Variants in RERE observed in about 807,000 individuals in gnomAD.
The protein encoded by RERE is arginine-glutamic acid dipeptide repeats.
A neutral mutation model predicts 146.1 loss-of-function variants in RERE; 40 were observed. The ratio of observed to expected loss-of-function variants is 0.27; its 90% CI spans 0.21 to 0.36. The LOEUF (loss-of-function observed/expected upper bound fraction) is 0.36. RERE is among the 10% of genes least tolerant of loss of function. The probability of loss-of-function intolerance (pLI) is 1.00; values close to 1 mark genes in which losing one functional copy is unlikely to be tolerated. For synonymous variants in RERE, 1,003 were observed against 866.0 expected (o/e 1.16, Z -2.78); for missense variants, 1,933 against 2,138.7 (o/e 0.90, Z 1.90).
chr1:8,537,191 G>A (rs1299666421), intron 7 of RERE, among the ~76,000 whole-genome samples: 1 of 152,136 alleles, frequency 6.6e-6, no homozygotes, highest in Non-Finnish European at 1.5e-5. Flanking sequence ...GCAATAGAGT[G>A]TGACCCTGTC....
intron 12 of RERE, among the ~76,000 whole-genome samples, chr1:8,373,128 C>G (rs1199314864): frequency 1.3e-5 from 2 of 152,222 alleles, no homozygotes; most frequent in Non-Finnish European, 2.9e-5. Flanking sequence ...TTGTACGCAC[C>G]TGACCCCATC....
At chr1:8,767,418 T>C (rs1404020843) in intron 1 of RERE, among the ~76,000 whole-genome samples, 2 of 152,020 alleles carry the variant, frequency 1.3e-5, no homozygotes, top group African/African-American at 4.8e-5. Flanking sequence ...CTGGGCAACA[T>C]GGTGAAATCT....
chr1:8,406,287 G>A (rs1378061425), intron 12 of RERE, among the ~76,000 whole-genome samples: 3 of 151,992 alleles, frequency 2.0e-5, no homozygotes, highest in South Asian at 4.1e-4. Flanking sequence ...TGCCCAGACT[G>A]GTCTCGAACT....
rs984380304 is a variant in RERE at position 8,356,547 on chromosome 1, GGGT to G, written c.4340-304_4340-302del. On this transcript the variant is annotated intron_variant, in intron 20 of 22. Coordinates refer to ENST00000400908, the MANE Select transcript of RERE (RefSeq NM_001042681.2). The surrounding 1 kb of genome is among the most constrained non-coding windows in gnomAD (Gnocchi z 5.2). ...TTTTGTCGAGGACCCGGGATCAGCA[GGGT>G]CCCTCTCGCCGGCCACCTGGGCCTG... 1.4e-4 allele frequency among the ~76,000 whole-genome samples: 22 copies of G among 152,212 alleles called. No homozygotes were observed. Among genetic ancestry groups the G allele is most frequent in the African/African-American group, 5.1e-4 (21 of 41,450 alleles).
chr1:8,798,976 G>C (rs1184891494), intron 1 of RERE, among the ~76,000 whole-genome samples: 1 of 145,500 alleles, frequency 6.9e-6, no homozygotes, highest in South Asian at 2.2e-4. Flanking sequence ...ACAGGCGTGA[G>C]CCACTGTGCC....
chr1:8,359,890 C>T lies in RERE; in HGVS notation c.3492G>A (p.Glu1164=), dbSNP rs1641486771. ...CGCGCTTGGCCTTCTCAATGGCCTC[C>T]TCCCTCTTCTTGGCCAGCTTGGACC... The part of the protein sequence containing the change: ...LAGSKLAKKR[E]EAIEKAKREA... Residue 1164 remains glutamate (E), a synonymous_variant, in exon 19 of 23, where the codon GAG becomes GAA. Transcript: ENST00000400908. 4 of 1,613,152 alleles carry T rather than the reference C, an allele frequency of 2.5e-6. No homozygotes were observed. In the South Asian group the frequency reaches 4.4e-5, roughly 18 times the overall value.
intron 11 of RERE, among the ~76,000 whole-genome samples, chr1:8,435,941 T>G (rs988399860): frequency 6.6e-6 from 1 of 152,262 alleles, no homozygotes; most frequent in Non-Finnish European, 1.5e-5. Flanking sequence ...ACTGGCTAGT[T>G]AAGCAGCAGC....
chr1:8,741,035 G>A (rs917566282), intron 1 of RERE, among the ~76,000 whole-genome samples: 1 of 152,004 alleles, frequency 6.6e-6, no homozygotes, highest in Non-Finnish European at 1.5e-5. Flanking sequence ...TCATATAACC[G>A]GCAGCATATT....
chr1:8,387,381 G>T (rs1319323033), intron 12 of RERE, among the ~76,000 whole-genome samples: 2 of 152,170 alleles, frequency 1.3e-5, no homozygotes, highest in East Asian at 3.8e-4. Flanking sequence ...AAAACAGTAA[G>T]TATAGGAGAC....
chr1:8,580,878 G>C (rs1646356232), intron 4 of RERE, among the ~76,000 whole-genome samples: 1 of 151,922 alleles, frequency 6.6e-6, no homozygotes, highest in South Asian at 2.1e-4. Flanking sequence ...TGTTTTTGTA[G>C]AGAAGAGGTG....
intron 11 of RERE, among the ~76,000 whole-genome samples, chr1:8,434,308 C>T (rs977649612): frequency 6.6e-6 from 1 of 152,070 alleles, no homozygotes; most frequent in Non-Finnish European, 1.5e-5. Context: ...GCTCAACACA[C>T]CCTGCCACAC....
At chr1:8,404,475 C>T (rs1643383148) in intron 12 of RERE, among the ~76,000 whole-genome samples, 1 of 152,016 alleles carries the variant, frequency 6.6e-6, no homozygotes, top group African/African-American at 2.4e-5. Context: ...TCAGACTGGT[C>T]TCAAACTCCT....
chr1:8,763,315 AT>A (rs1451292546), intron 1 of RERE, among the ~76,000 whole-genome samples: 1 of 152,168 alleles, frequency 6.6e-6, no homozygotes, highest in Non-Finnish European at 1.5e-5. Context: ...TACTCCCATA[AT>A]CAAGAGTTTC....
intron 12 of RERE, among the ~76,000 whole-genome samples, chr1:8,384,088 G>C (rs1033042118): frequency 2.6e-5 from 4 of 152,144 alleles, no homozygotes; most frequent in African/African-American, 9.7e-5. Context: ...CTGATGCTGA[G>C]AAGAGCATAG....
chr1:8,736,208 T>C (rs1640194012), intron 1 of RERE, among the ~76,000 whole-genome samples: 1 of 152,058 alleles, frequency 6.6e-6, no homozygotes, highest in Admixed American at 6.5e-5. Flanking sequence ...TTTGTTTGTT[T>C]GTTTGTTTGT....
chr1:8,640,305 G>C (rs1032862071), intron 2 of RERE, among the ~76,000 whole-genome samples: 1 of 151,648 alleles, frequency 6.6e-6, no homozygotes, highest in Non-Finnish European at 1.5e-5. Context: ...AATCTCTATT[G>C]ATCAGTCTAC....
intron 1 of RERE, among the ~76,000 whole-genome samples, chr1:8,794,236 A>G (rs1426029003): frequency 1.3e-5 from 2 of 151,436 alleles, no homozygotes; most frequent in South Asian, 4.2e-4. Context: ...CGTCTCTACT[A>G]AAAATACAAA....
intron 12 of RERE, among the ~76,000 whole-genome samples, chr1:8,414,268 C>T (rs1190367279): frequency 2.6e-5 from 4 of 151,502 alleles, no homozygotes; most frequent in East Asian, 2.0e-4. Context: ...AATAGTCGGC[C>T]GGGCGTGGTG....
At position 8,554,349 on chromosome 1, in the gene RERE, G is replaced by T. The variant is rs1042675110; in HGVS notation, c.725+2126C>A. Among the ~76,000 whole-genome samples, 3 of 152,106 alleles carry T rather than the reference G, an allele frequency of 2.0e-5. No homozygotes were observed. In the East Asian group the frequency reaches 5.8e-4, roughly 29 times the overall value. ...TCTTTTCCCTCAACCCGTGAGACAA[G>T]ACGGAAACAGGAAGGAAAGAGTATG... On this transcript the variant is annotated intron_variant, in intron 6 of 22. Transcript: ENST00000400908.
Sources: gnomAD v4.1 joint callset for allele counts (sites outside exome capture counted in the v4.1 genomes callset) on GRCh38, gnomAD v4.1.1 for gene constraint, Gnocchi (gnomAD v3.1) non-coding constraint, MANE v1.5 for transcripts, NCBI Gene and HGNC (gene_info 2026-07-23, HGNC 2026-07-21) for gene names.